CCDC122: variants seen among roughly 807,000 people sequenced by gnomAD.
CCDC122 encodes coiled-coil domain-containing protein 122.
CCDC122 carries 38 observed loss-of-function variants against 37.0 expected under a neutral mutation model. The ratio of observed to expected loss-of-function variants is 1.03; its 90% CI spans 0.79 to 1.35. The LOEUF (loss-of-function observed/expected upper bound fraction) is 1.35. CCDC122 is among the 40% of genes most tolerant of loss of function. CCDC122 has a pLI of 0.00. For synonymous variants in CCDC122, 83 were observed against 95.6 expected, an observed-to-expected ratio of 0.87 and a Z score of 0.77; for missense variants, 305 against 310.0, an observed-to-expected ratio of 0.98 and a Z score of 0.12.
At position 43,859,915 on chromosome 13, in the gene CCDC122, A is replaced by C. The variant is rs1236933889; in HGVS notation, c.312T>G (p.Asn104Lys). The change falls in exon 5 of 7, where the codon AAT (asparagine) becomes AAG (lysine). Residue 104 changes from asparagine (N) to lysine (K), a missense_variant. Physicochemically the swap from Asn to Lys is moderately conservative, Grantham distance 94. Coordinates refer to ENST00000444614, the MANE Select transcript of CCDC122 (RefSeq NM_144974.5). ...ETQIKSLHSE[N>K]VKLKFDIETA... is the part of the protein sequence containing the mutation. Reference sequence around the variant, plus strand: ...TTTCTATGTCAAATTTAAGCTTTACATTTTCTGAATGTAAGGATTTGATTT... The same window carrying C: ...TTTCTATGTCAAATTTAAGCTTTACCTTTTCTGAATGTAAGGATTTGATTT... 5 of 1,610,194 alleles carry C rather than the reference A, an allele frequency of 3.1e-6. No individual in the cohort carries two copies. Among genetic ancestry groups the C allele is most frequent in the Non-Finnish European group, 4.2e-6 (5 of 1,178,284 alleles).
intron 2 of CCDC122, among the ~76,000 whole-genome samples, chr13:43,873,752 T>C (rs533830113): frequency 1.4e-3 from 206 of 152,296 alleles, no homozygotes; most frequent in Non-Finnish European, 2.3e-3. Flanking sequence ...TTCCAAATAC[T>C]ATCTTAGTAG....
chr13:43,862,603 T>C (rs1954142890), intron 4 of CCDC122, among the ~76,000 whole-genome samples: 2 of 152,150 alleles, frequency 1.3e-5, no homozygotes, highest in Non-Finnish European at 1.5e-5. Context: ...ACCATGTCTG[T>C]CTTCATTACC....
chr13:43,859,620 T>C (rs1954039736), intron 5 of CCDC122, 52 bp downstream of exon 5: 1 of 1,347,612 alleles, frequency 7.4e-7, no homozygotes, highest in Non-Finnish European at 9.9e-7. Flanking sequence ...ATGTATGTAC[T>C]TGCAAAAAAG....
Position 43,837,288 on chromosome 13 carries a change from G to A in CCDC122, c.814C>T (p.Gln272Ter), listed in dbSNP as rs372906132. The change falls in exon 7 of 7, where the codon CAA becomes TAA. Residue 272 changes from glutamine (Q) to a stop codon, truncating the protein, a stop_gained. Coordinates refer to ENST00000444614, the MANE Select transcript of CCDC122 (RefSeq NM_144974.5). LOFTEE classifies it high-confidence loss of function. The stretch of plus-strand genomic sequence containing the variant: ...ATTGCCCTATGGCAATGTTACTCTT[G>A]CATTCCAATGCATTTTCTTAATTCG... Reference protein sequence around the residue: ...AAELRKCIGMQE With the variant: ...AAELRKCIGM 57 of 1,613,502 alleles carry A rather than the reference G, an allele frequency of 3.5e-5. No individual in the cohort carries two copies. Among genetic ancestry groups the A allele is most frequent in the Non-Finnish European group, 4.5e-5 (53 of 1,179,850 alleles).
chr13:43,852,939 A>T (rs546685284), intron 6 of CCDC122, among the ~76,000 whole-genome samples: 1 of 152,298 alleles, frequency 6.6e-6, no homozygotes, highest in Admixed American at 6.5e-5. Flanking sequence ...GCAAATGCTG[A>T]GGGAGTTCGT....
In CCDC122 at chr13:43,869,417, T is replaced by G. The variant is rs928800301; in HGVS notation, c.-41A>C. 2.0e-6 allele frequency: 3 copies of G among 1,493,580 alleles called. No individual in the cohort carries two copies. In the African/African-American group the frequency reaches 4.2e-5, roughly 21 times the overall value. 92.5% of individuals were successfully genotyped at this position (1,493,580 alleles called of 1,614,324 possible). On this transcript the variant is annotated 5_prime_UTR_variant, in exon 3 of 7. Transcript: ENST00000444614. ...TCTCTTTTCCCCTTTTTGATTTACC[T>G]TCTTTACTCCTACTCAATAATCTAT...
intron 6 of CCDC122, among the ~76,000 whole-genome samples, chr13:43,844,679 G>A (rs573192574): frequency 1.1e-4 from 16 of 152,052 alleles, no homozygotes; most frequent in African/African-American, 3.9e-4. Flanking sequence ...TTATGTAAAT[G>A]TACATGTAGA....
intron 2 of CCDC122, among the ~76,000 whole-genome samples, chr13:43,870,041 T>C (rs1236144536): frequency 2.0e-5 from 3 of 152,098 alleles, no homozygotes; most frequent in Admixed American, 1.3e-4. Context: ...AAAGATCAAT[T>C]AACTACAAAG....
chr13:43,825,077 A>C (rs1417916771), intron 3 of CCDC122, among the ~76,000 whole-genome samples: 2 of 152,240 alleles, frequency 1.3e-5, no homozygotes, highest in Non-Finnish European at 2.9e-5. Context: ...AAATTGTTCT[A>C]CCAAAAAGAC....
At chr13:43,830,734 G>A (rs1953081883) in intron 3 of CCDC122, among the ~76,000 whole-genome samples, 1 of 152,152 alleles carries the variant, frequency 6.6e-6, no homozygotes. Flanking sequence ...TGCATAAACC[G>A]GTTCTAAATG....
At chr13:43,824,177 A>G (rs2153867695) in intron 3 of CCDC122, among the ~76,000 whole-genome samples, 1 of 152,362 alleles carries the variant, frequency 6.6e-6, no homozygotes, top group East Asian at 1.9e-4. Flanking sequence ...CTGAGGTTGC[A>G]TTAGTAGAAA....
chr13:43,852,378 G>C (rs1289774899), intron 6 of CCDC122, among the ~76,000 whole-genome samples: 1 of 151,850 alleles, frequency 6.6e-6, no homozygotes, highest in South Asian at 2.1e-4. Context: ...GCAGAGGAAA[G>C]AATCTCAGAG....
intron 6 of CCDC122, among the ~76,000 whole-genome samples, chr13:43,857,297 A>G (rs1953947357): frequency 1.3e-5 from 2 of 152,046 alleles, no homozygotes; most frequent in African/African-American, 4.8e-5. Context: ...TTCTCTTGTG[A>G]TGGTATATTC....
chr13:43,842,669 T>G (rs4941473), intron 6 of CCDC122, among the ~76,000 whole-genome samples: 24,080 of 151,990 alleles, frequency 0.16, 2,123 homozygotes, highest in East Asian at 0.31. Context: ...ACATAGGATA[T>G]CATTCCATTT....
At chr13:43,868,061 C>CAT (rs1555392493) in intron 4 of CCDC122, among the ~76,000 whole-genome samples, 1 of 92,060 alleles carries the variant, frequency 1.1e-5, no homozygotes, top group Non-Finnish European at 2.6e-5. Flanking sequence ...AACAAATTCA[C>CAT]GGAACAAAAA....
chr13:43,876,794 A>C (rs1272413773), intron 1 of CCDC122, among the ~76,000 whole-genome samples: 1 of 152,234 alleles, frequency 6.6e-6, no homozygotes, highest in Non-Finnish European at 1.5e-5. Flanking sequence ...GGAAAGACCC[A>C]ACAAAAGTAT....
chr13:43,865,917 A>G (rs992931001), intron 4 of CCDC122, among the ~76,000 whole-genome samples: 1 of 152,160 alleles, frequency 6.6e-6, no homozygotes, highest in African/African-American at 2.4e-5. Context: ...TCTCTGTGGC[A>G]TATGTGAATT....
intron 6 of CCDC122, chr13:43,856,062 T>C (rs995282200): frequency 6.6e-6 from 1 of 152,102 alleles, no homozygotes; most frequent in South Asian, 2.1e-4. Flanking sequence ...TGCAGGAACA[T>C]GAATGGAGCT....
intron 6 of CCDC122, among the ~76,000 whole-genome samples, chr13:43,842,939 T>A (rs913583924): frequency 2.0e-5 from 3 of 152,100 alleles, no homozygotes; most frequent in African/African-American, 7.2e-5. Context: ...TAAGATTTTC[T>A]ACATAAACAA....
Sources: gnomAD v4.1 joint callset for allele counts (sites outside exome capture counted in the v4.1 genomes callset) on GRCh38, gnomAD v4.1.1 for gene constraint, MANE v1.5 for transcripts, NCBI Gene and HGNC (gene_info 2026-07-23, HGNC 2026-07-21) for gene names.